Variants in TENM4 observed in about 807,000 individuals in gnomAD.
TENM4 encodes the protein teneurin transmembrane protein 4.
Under a neutral mutation model 243.3 loss-of-function variants are expected in TENM4, and 82 were observed. The ratio of observed to expected loss-of-function variants is 0.34; its 90% CI spans 0.28 to 0.40. The LOEUF (loss-of-function observed/expected upper bound fraction) is 0.40. TENM4 is among the 10% of genes least tolerant of loss of function. TENM4 has a pLI of 1.00. For synonymous variants in TENM4, 1,412 were observed against 1,456.3 expected, an observed-to-expected ratio of 0.97 and a Z score of 0.69; for missense variants, 3,138 against 3,673.3, an observed-to-expected ratio of 0.85 and a Z score of 3.77.
chr11:79,207,132 G>C (rs1157189390), intron 3 of TENM4, among the ~76,000 whole-genome samples: 1 of 152,140 alleles, frequency 6.6e-6, no homozygotes, highest in African/African-American at 2.4e-5. Flanking sequence ...CTGTGGGGTC[G>C]GGGCAGGCTG....
intron 3 of TENM4, among the ~76,000 whole-genome samples, chr11:79,161,959 G>A (rs897870634): frequency 2.0e-5 from 3 of 152,214 alleles, no homozygotes; most frequent in Non-Finnish European, 4.4e-5. Context: ...AAATTAGCAA[G>A]TTTGTGGTAA....
chr11:78,796,198 A>C (rs865938820), intron 15 of TENM4, among the ~76,000 whole-genome samples: 2 of 152,196 alleles, frequency 1.3e-5, no homozygotes, highest in African/African-American at 4.8e-5. Context: ...CACAGGAAGC[A>C]GTAAGCCACT....
intron 5 of TENM4, among the ~76,000 whole-genome samples, chr11:79,066,220 G>A (rs1860242424): frequency 6.6e-6 from 1 of 152,196 alleles, no homozygotes; most frequent in South Asian, 2.1e-4. Context: ...GGAGCAGAAG[G>A]TGGGATATTG....
chr11:79,189,471 G>A (rs540372019), intron 3 of TENM4, among the ~76,000 whole-genome samples: 1 of 152,284 alleles, frequency 6.6e-6, no homozygotes, highest in South Asian at 2.1e-4. Context: ...TGGTTCCCAG[G>A]CCTTAGCACC....
At chr11:79,370,256 C>T (rs1257640363) in intron 1 of TENM4, among the ~76,000 whole-genome samples, 1 of 152,206 alleles carries the variant, frequency 6.6e-6, no homozygotes, top group Non-Finnish European at 1.5e-5. Flanking sequence ...CCCTCCATAC[C>T]ATGACATTAT....
intron 1 of TENM4, among the ~76,000 whole-genome samples, chr11:79,337,148 T>C (rs892911816): frequency 2.0e-5 from 3 of 152,226 alleles, no homozygotes; most frequent in Non-Finnish European, 4.4e-5. Context: ...ACGTAGCAAC[T>C]TACAATTTAC....
chr11:78,762,196 C>T (rs11827211), intron 18 of TENM4, among the ~76,000 whole-genome samples: 3,440 of 152,130 alleles, frequency 0.023, 116 homozygotes, highest in African/African-American at 0.079. Flanking sequence ...GAGGATGAGG[C>T]GAGATCATGG....
intron 16 of TENM4, among the ~76,000 whole-genome samples, chr11:78,781,860 C>A (rs2136022470): frequency 6.6e-6 from 1 of 152,318 alleles, no homozygotes; most frequent in East Asian, 1.9e-4. Context: ...GATAAGTGGT[C>A]AGTGACACCC....
intron 6 of TENM4, among the ~76,000 whole-genome samples, chr11:79,014,331 C>T (rs1858720055): frequency 6.6e-6 from 1 of 152,218 alleles, no homozygotes; most frequent in Non-Finnish European, 1.5e-5. Context: ...GAGAGGAAGC[C>T]TCTTTCTTAA....
chr11:78,900,697 G>T (rs958403798), intron 7 of TENM4, among the ~76,000 whole-genome samples: 10 of 152,154 alleles, frequency 6.6e-5, no homozygotes, highest in African/African-American at 2.4e-4. Context: ...CAAGGTTCAG[G>T]GATGTTAGGG....
chr11:78,951,530 G>C (rs1226899348), intron 6 of TENM4, among the ~76,000 whole-genome samples: 1 of 152,158 alleles, frequency 6.6e-6, no homozygotes, highest in Non-Finnish European at 1.5e-5. Context: ...TTAAATAATA[G>C]AAATTTATTT....
chr11:79,127,105 G>T (rs1260878373), intron 4 of TENM4, among the ~76,000 whole-genome samples: 1 of 152,150 alleles, frequency 6.6e-6, no homozygotes, highest in Non-Finnish European at 1.5e-5. Flanking sequence ...ATGCATAATT[G>T]GCATAGACAA....
At chr11:79,198,165 C>T (rs1339130213) in intron 3 of TENM4, among the ~76,000 whole-genome samples, 1 of 152,222 alleles carries the variant, frequency 6.6e-6, no homozygotes, top group Non-Finnish European at 1.5e-5. Context: ...TCAACCACTG[C>T]CCTAATCTTT....
Position 78,722,887 on chromosome 11 carries a change from T to C in TENM4, c.3581A>G (p.Gln1194Arg), listed in dbSNP as rs1323669583. The C allele has an allele frequency of 6.2e-7, 1 of 1,614,026 alleles. No homozygotes were observed. The highest frequency in any genetic ancestry group is 1.7e-5 in the Admixed American group (1 of 60,028). ...GACAGGAGGCTGCTGAGACACAAACTGGTTCTCCCCATTCCCTTTGTGCAG... is the reference window on the plus strand; with the variant it reads ...GACAGGAGGCTGCTGAGACACAAACCGGTTCTCCCCATTCCCTTTGTGCAG... ...GILHKGNGEN[Q>R]FVSQQPPVIG... is the part of the protein sequence containing the mutation. The change falls in exon 24 of 34, where the codon CAG (glutamine) becomes CGG (arginine). Residue 1194 changes from glutamine (Q) to arginine (R), a missense_variant. Physicochemically the swap from Gln to Arg is conservative, Grantham distance 43. This residue lies in a region of TENM4 where 2,467 missense variants were observed against 3,059.1 expected (regional missense o/e 0.81). Transcript: ENST00000278550.
intron 2 of TENM4, among the ~76,000 whole-genome samples, chr11:79,230,208 G>A (rs1261676910): frequency 1.3e-5 from 2 of 152,152 alleles, no homozygotes; most frequent in East Asian, 1.9e-4. Flanking sequence ...TTCAGGACAC[G>A]CTGGTCATCC....
chr11:79,156,574 G>T (rs373041709), intron 3 of TENM4, among the ~76,000 whole-genome samples: 1 of 152,102 alleles, frequency 6.6e-6, no homozygotes, highest in South Asian at 2.1e-4. Flanking sequence ...TCAGTGGAAG[G>T]TTACCTCCTC....
chr11:78,991,306 T>TG (rs1554987530), intron 6 of TENM4, among the ~76,000 whole-genome samples: 6 of 150,160 alleles, frequency 4.0e-5, no homozygotes, highest in Non-Finnish European at 8.9e-5. Flanking sequence ...CTTTTGAGGT[T>TG]AAAAAAAAAG....
At chr11:79,354,727 T>C (rs1309910848) in intron 1 of TENM4, among the ~76,000 whole-genome samples, 1 of 152,278 alleles carries the variant, frequency 6.6e-6, no homozygotes. Flanking sequence ...GATTATGTGT[T>C]GCTGAAAAAT....
chr11:79,018,460 ACACACACATCCCCC>A (rs1858836210), intron 6 of TENM4, among the ~76,000 whole-genome samples: 1 of 151,936 alleles, frequency 6.6e-6, no homozygotes, highest in African/African-American at 2.4e-5. Flanking sequence ...ATGCACACAC[ACACACACATCCCCC>A]CACACACATC....
Sources: allele counts gnomAD v4.1 joint callset (sites outside exome capture counted in the v4.1 genomes callset), GRCh38; gene constraint gnomAD v4.1.1; regional missense constraint gnomAD v4.1.1; transcripts MANE v1.5; gene names NCBI Gene and HGNC (gene_info 2026-07-23, HGNC 2026-07-21).